Variants in JAKMIP3 observed in about 807,000 individuals in gnomAD.
JAKMIP3 encodes Janus kinase and microtubule interacting protein 3, also known as janus kinase and microtubule-interacting protein 3.
JAKMIP3 carries 58 observed loss-of-function variants against 118.5 expected under a neutral mutation model. The observed-to-expected ratio is 0.49, with a 90% CI of 0.40 to 0.61. JAKMIP3 has a LOEUF of 0.61. Ranked by LOEUF, JAKMIP3 falls within the 20% of genes least tolerant of loss-of-function variation. The pLI is 0.00. For missense variants in JAKMIP3, 950 were observed against 1,109.0 expected, an observed-to-expected ratio of 0.86 and a Z score of 2.04; for synonymous variants, 486 against 451.2, an observed-to-expected ratio of 1.08 and a Z score of -0.98.
In JAKMIP3 at chr10:132,044,001, C is replaced by T. The variant is rs1464173900; in HGVS notation, c.-138+7263C>T. Among the ~76,000 whole-genome samples the T allele has an allele frequency of 6.6e-6, 1 of 152,090 alleles. No individual in the cohort carries two copies. The highest frequency in any genetic ancestry group is 2.4e-5 in the African/African-American group (1 of 41,322). Reference sequence around the variant, plus strand: ...ATCCCAGCATGGTCCCAAAATCCATCCAAAGAGGGCAGGAAGTGCACAGAC... The same window carrying T: ...ATCCCAGCATGGTCCCAAAATCCATTCAAAGAGGGCAGGAAGTGCACAGAC... On this transcript the variant is annotated intron_variant, in intron 1 of 23. Coordinates refer to the JAKMIP3 transcript ENST00000657785. The surrounding 1 kb of genome is among the most constrained non-coding windows in gnomAD (Gnocchi z 5.3).
chr10:132,069,461 C>G (rs1036534465), intron 1 of JAKMIP3, among the ~76,000 whole-genome samples: 1 of 152,140 alleles, frequency 6.6e-6, no homozygotes, highest in Admixed American at 6.5e-5. Context: ...AGGGACCCCC[C>G]AGACAACCTT....
At chr10:132,099,517 C>T (rs2044492404) in intron 1 of JAKMIP3, among the ~76,000 whole-genome samples, 1 of 152,164 alleles carries the variant, frequency 6.6e-6, no homozygotes, top group Admixed American at 6.5e-5. Context: ...CCGCGAAGCC[C>T]ACTGGGGAAC....
Position 132,096,448 on chromosome 10 carries a change from C to T in JAKMIP3, c.-137-8224C>T, listed in dbSNP as rs112474453. Among the ~76,000 whole-genome samples, 583 of 152,244 alleles carry T rather than the reference C, an allele frequency of 3.8e-3. 2 individuals carry two copies. Among genetic ancestry groups the T allele is most frequent in the African/African-American group, 0.013 (555 of 41,546 alleles). On this transcript the variant is annotated intron_variant, in intron 1 of 23. Transcript: ENST00000684848. ...CCATGCCCTTGAGCCCTGGAGCCGA[C>T]GGCTGTTTCCTTAACACGGGGTGGT... is the stretch of plus-strand genomic sequence containing the variant.
intron 1 of JAKMIP3, among the ~76,000 whole-genome samples, chr10:132,067,136 A>G (rs1285344326): frequency 2.0e-5 from 3 of 152,182 alleles, no homozygotes; most frequent in African/African-American, 7.2e-5. Context: ...CCCTCAGTTT[A>G]CATTCACAGC....
In JAKMIP3 at chr10:132,136,454, G is replaced by T. The variant is rs547271044; in HGVS notation, c.1116+378G>T. Among the ~76,000 whole-genome samples, 11 of 152,276 alleles carry T rather than the reference G, an allele frequency of 7.2e-5. No homozygotes were observed. In the South Asian group the frequency reaches 1.2e-3, roughly 17 times the overall value. On this transcript the variant is annotated intron_variant, in intron 6 of 23. Coordinates refer to ENST00000684848, the MANE Select transcript of JAKMIP3 (RefSeq NM_001323087.2). ...GAGGAGGCCTGGCACACAGCGCCAA[G>T]CAGGAGTCGGGGGCAGGGAGTCTCT...
intron 1 of JAKMIP3, among the ~76,000 whole-genome samples, chr10:132,042,510 T>TTTC (rs1194446978): frequency 1.1e-4 from 16 of 152,126 alleles, no homozygotes; most frequent in Non-Finnish European, 5.9e-5. Context: ...GCCTGCTGTG[T>TTTC]TTCTCTTTTC....
At chr10:132,171,570 T>A (rs531215110) in intron 23 of JAKMIP3, among the ~76,000 whole-genome samples, 1 of 152,314 alleles carries the variant, frequency 6.6e-6, no homozygotes, top group African/African-American at 2.4e-5. Context: ...AATTTTAGAC[T>A]TAAAGTTGCA....
chr10:132,138,122 C>A lies in JAKMIP3; in HGVS notation c.1288C>A (p.Arg430=). The change falls in exon 9 of 24, where the codon CGG becomes AGG. Residue 430 remains arginine, a synonymous_variant. Transcript: ENST00000684848. ...CCTCTTCAACTGGCTTCCGCAGGAGCGGGACAAGCTGTTAAGATTCCGGAA... is the reference window on the plus strand; with the variant it reads ...CCTCTTCAACTGGCTTCCGCAGGAGAGGGACAAGCTGTTAAGATTCCGGAA... ...TAGYVKSVLE[R]DKLLRFRKQR... is the part of the protein sequence containing the mutation. 1 of 1,611,482 alleles carries A rather than the reference C, an allele frequency of 6.2e-7. No homozygotes were observed.
chr10:132,116,981 G>T, intron 2 of JAKMIP3, 96 bp from the exon 3 acceptor site: 1 of 1,370,220 alleles, frequency 7.3e-7, no homozygotes, highest in Non-Finnish European at 9.9e-7. Context: ...AGGTGTGAGT[G>T]TGTGCAACGT....
intron 3 of JAKMIP3, among the ~76,000 whole-genome samples, chr10:132,119,209 A>G (rs1367246263): frequency 3.3e-5 from 5 of 151,348 alleles, no homozygotes; most frequent in Non-Finnish European, 7.4e-5. Flanking sequence ...TTTTGCAGCT[A>G]CGGGCAAGCT....
chr10:132,133,961 C>A (rs78501832), intron 4 of JAKMIP3, among the ~76,000 whole-genome samples: 7,055 of 152,344 alleles, frequency 0.046, 208 homozygotes, highest in Non-Finnish European at 0.068. Context: ...GCGTGCCCAG[C>A]TGGCCCCTCA....
In JAKMIP3 at chr10:132,140,662, C is replaced by T. The variant is rs530454050; in HGVS notation, c.1473+83C>T. On this transcript the variant is annotated intron_variant, in intron 10 of 23. Transcript: ENST00000684848. ...CGGGTCCTGGGCTTGGAGGAGGTAA[C>T]GAGGGTCTCCTGCCGGGTCCTGGGC... is the stretch of plus-strand genomic sequence containing the variant. 5.5e-4 allele frequency: 775 copies of T among 1,422,004 alleles called. 1 individual carries two copies. Among genetic ancestry groups the T allele is most frequent in the Admixed American group, 1.6e-3 (64 of 39,182 alleles). The allele number at this position is 1,422,004 out of a possible 1,614,324, so 88.1% of individuals were successfully genotyped here.
intron 1 of JAKMIP3, among the ~76,000 whole-genome samples, chr10:132,039,281 C>T (rs2037636047): frequency 6.6e-6 from 1 of 152,144 alleles, no homozygotes; most frequent in African/African-American, 2.4e-5. Context: ...CCACCGTGCC[C>T]AGCCAGGACC....
intron 10 of JAKMIP3, among the ~76,000 whole-genome samples, chr10:132,141,364 C>T (rs560711763): frequency 3.2e-4 from 48 of 152,154 alleles, no homozygotes; most frequent in Non-Finnish European, 5.9e-4. Context: ...CCACCGGGAC[C>T]CTTTGAAGGC....
Position 132,052,300 on chromosome 10 carries a change from C to T in JAKMIP3, c.-138+15562C>T, listed in dbSNP as rs141654654. ...TCCCTATAAGAAGTCAGCTGTTAGT[C>T]TAAATGTCTTCGTTTGACCTTGAGC... On this transcript the variant is annotated intron_variant, in intron 1 of 23. Transcript: ENST00000657785. Among the ~76,000 whole-genome samples, 163 of 152,344 alleles carry T rather than the reference C, an allele frequency of 1.1e-3. 1 individual carries two copies. The East Asian group carries it at 0.027, about 25-fold the overall frequency.
At chr10:132,046,782 A>T (rs903221845) in intron 1 of JAKMIP3, among the ~76,000 whole-genome samples, 6 of 152,190 alleles carry the variant, frequency 3.9e-5, no homozygotes, top group Non-Finnish European at 8.8e-5. Flanking sequence ...GCTGAGGCAA[A>T]ATTAACCCAA....
intron 1 of JAKMIP3, among the ~76,000 whole-genome samples, chr10:132,075,927 C>T (rs926282562): frequency 5.4e-4 from 28 of 52,136 alleles, no homozygotes; most frequent in Admixed American, 1.3e-3. Flanking sequence ...TAGTGTAGGT[C>T]TGTGGGCCAC....
intron 23 of JAKMIP3, among the ~76,000 whole-genome samples, chr10:132,171,256 G>C (rs895202825): frequency 6.6e-6 from 1 of 152,318 alleles, no homozygotes; most frequent in East Asian, 1.9e-4. Flanking sequence ...AGTCTCCAGC[G>C]TGAGTTTGAA....
At chr10:132,122,192 C>T (rs1012150794) in intron 3 of JAKMIP3, among the ~76,000 whole-genome samples, 3 of 152,214 alleles carry the variant, frequency 2.0e-5, no homozygotes, top group African/African-American at 4.8e-5. Context: ...CTGGTCGGCT[C>T]CCCGGCTGTC....
Sources: allele counts gnomAD v4.1 joint callset (sites outside exome capture counted in the v4.1 genomes callset), GRCh38; gene constraint gnomAD v4.1.1; non-coding constraint Gnocchi (gnomAD v3.1); transcripts MANE v1.5; gene names NCBI Gene and HGNC (gene_info 2026-07-23, HGNC 2026-07-21).